The following COX10 variants were observed in gnomAD, a reference collection of about 807,000 sequenced individuals.
COX10 encodes the protein protoheme IX farnesyltransferase, mitochondrial.
A neutral mutation model predicts 37.3 loss-of-function variants in COX10; 27 were observed. That is an observed-to-expected ratio of 0.72 (90% CI 0.53 to 1.00). The LOEUF (loss-of-function observed/expected upper bound fraction) is 1.00. Ranked by LOEUF, COX10 falls within the 50% of genes least tolerant of loss-of-function variation. The pLI is 0.00. For missense variants in COX10, 475 were observed against 563.2 expected, an observed-to-expected ratio of 0.84 and a Z score of 1.59; for synonymous variants, 222 against 229.1, an observed-to-expected ratio of 0.97 and a Z score of 0.28.
In COX10 at chr17:14,145,975, A is replaced by G. The variant is rs981777337; in HGVS notation, c.625-13902A>G. 5.3e-5 allele frequency among the ~76,000 whole-genome samples: 8 copies of G among 152,170 alleles called. No homozygotes were observed. In the East Asian group the frequency reaches 1.5e-3, roughly 29 times the overall value. The stretch of plus-strand genomic sequence containing the variant: ...GTTAATGTTGGTTTTATATTACCTC[A>G]CTTTAGTAATACTTTATTAGTTTAC... On this transcript the variant is annotated intron_variant, in intron 4 of 6. Coordinates refer to ENST00000261643, the MANE Select transcript of COX10 (RefSeq NM_001303.4).
rs548335630 is a variant in COX10 at position 14,132,199 on chromosome 17, A to G, written c.625-27678A>G. Among the ~76,000 whole-genome samples, 492 of 152,102 alleles carry G rather than the reference A, an allele frequency of 3.2e-3. 5 individuals are homozygous for G. Among genetic ancestry groups the G allele is most frequent in the African/African-American group, 0.011 (466 of 41,564 alleles). On this transcript the variant is annotated intron_variant, in intron 4 of 6. Transcript: ENST00000261643. ...GATTAGAAATGGATGGTTTAAGTTT[A>G]CACCATTTTATTATATCAGGAATTT...
chr17:14,126,738 G>A (rs1183858392), intron 4 of COX10, among the ~76,000 whole-genome samples: 1 of 151,982 alleles, frequency 6.6e-6, no homozygotes, highest in African/African-American at 2.4e-5. Flanking sequence ...TAGCATGAGG[G>A]GGAGAATTTG....
At chr17:14,147,531 T>A (rs558467057) in intron 4 of COX10, among the ~76,000 whole-genome samples, 1 of 152,154 alleles carries the variant, frequency 6.6e-6, no homozygotes, top group East Asian at 1.9e-4. Flanking sequence ...GGATGGTTAA[T>A]GGTACAAAAA....
At position 14,207,172 on chromosome 17, in the gene COX10, C is replaced by T. The variant is rs113058506; in HGVS notation, c.1291C>T (p.Arg431Trp). ...LLLLLMLTCK[R>W]PSGGGDAGPP... is the part of the protein sequence containing the mutation. ...GCTGCTGCTCATGCTCACCTGCAAG[C>T]GGCCGAGCGGAGGCGGGGACGCAGG... The change falls in exon 7 of 7, where the codon CGG (arginine) becomes TGG (tryptophan). Residue 431 changes from arginine to tryptophan, a missense_variant. Arg to Trp is a moderately radical substitution (Grantham distance 101, BLOSUM62 -3). Around this residue, in one of 5 missense-constraint regions of COX10, gnomAD observed 160 missense variants for 180.6 expected, o/e 0.89. Coordinates refer to ENST00000261643, the MANE Select transcript of COX10 (RefSeq NM_001303.4). The T allele has an allele frequency of 3.6e-3, 5,817 of 1,608,756 alleles. 15 individuals are homozygous for T. Among genetic ancestry groups the T allele is most frequent in the Non-Finnish European group, 4.5e-3 (5,284 of 1,178,414 alleles).
intron 4 of COX10, among the ~76,000 whole-genome samples, chr17:14,142,125 C>T (rs1904564470): frequency 6.6e-6 from 1 of 152,106 alleles, no homozygotes; most frequent in Admixed American, 6.6e-5. Flanking sequence ...AAAACCTGCC[C>T]TCCCACTAGC....
chr17:14,076,111 C>CTTTTTTTTTTTTTTTTTTT (rs376434284), intron 2 of COX10, among the ~76,000 whole-genome samples: 1 of 103,254 alleles, frequency 9.7e-6, no homozygotes, highest in Non-Finnish European at 1.8e-5. Flanking sequence ...TCTTTTTTGT[C>CTTTTTTTTTTTTTTTTTTT]TTTTTTTTTT....
chr17:14,076,948 A>G lies in COX10; in HGVS notation c.391A>G (p.Ile131Val), dbSNP rs1256635213. 19 of 1,614,122 alleles carry G rather than the reference A, an allele frequency of 1.2e-5. No individual in the cohort carries two copies. Among genetic ancestry groups the G allele is most frequent in the Admixed American group, 1.0e-4 (6 of 60,016 alleles). ...GCCAGACTCAGTAATTGAAGACTCA[A>G]TAGATGTAGGGAAAGAGACAAAAGA... ...LEPDSVIEDS[I>V]DVGKETKEEK... Residue 131 changes from isoleucine to valine, a missense_variant, in exon 3 of 7, where the codon ATA becomes GTA. This residue lies in a region of COX10 where 242 missense variants were observed against 242.5 expected (regional missense o/e 1.00). Transcript: ENST00000261643.
chr17:14,183,478 CAG>C (rs1374173867), intron 5 of COX10, among the ~76,000 whole-genome samples: 1 of 152,192 alleles, frequency 6.6e-6, no homozygotes, highest in Non-Finnish European at 1.5e-5. Flanking sequence ...GAATCACTCA[CAG>C]AGATATTAAT....
chr17:14,127,345 G>T (rs1358162496), intron 4 of COX10, among the ~76,000 whole-genome samples: 1 of 152,122 alleles, frequency 6.6e-6, no homozygotes, highest in African/African-American at 2.4e-5. Flanking sequence ...TAGAGTTCGA[G>T]ACAGCTCAAC....
intron 6 of COX10, among the ~76,000 whole-genome samples, chr17:14,196,725 C>T (rs1035523585): frequency 6.6e-6 from 1 of 152,170 alleles, no homozygotes; most frequent in Non-Finnish European, 1.5e-5. Flanking sequence ...CTCTCACCTA[C>T]TACTTCCCCT....
intron 5 of COX10, among the ~76,000 whole-genome samples, chr17:14,170,480 C>G (rs1567606976): frequency 6.6e-6 from 1 of 152,260 alleles, no homozygotes; most frequent in East Asian, 1.9e-4. Context: ...TTTAATTAAT[C>G]TTTCCACATT....
intron 5 of COX10, among the ~76,000 whole-genome samples, chr17:14,184,204 A>G (rs1905956176): frequency 6.6e-6 from 1 of 152,170 alleles, no homozygotes; most frequent in African/African-American, 2.4e-5. Flanking sequence ...GTTTGACTTG[A>G]AAGTTTCAGT....
intron 6 of COX10, among the ~76,000 whole-genome samples, chr17:14,193,707 A>C (rs200933717): frequency 6.8e-6 from 1 of 146,560 alleles, no homozygotes; most frequent in African/African-American, 2.5e-5. Context: ...GCACACCTGC[A>C]CACCACCAGC....
At chr17:14,127,419 A>G (rs903477221) in intron 4 of COX10, among the ~76,000 whole-genome samples, 2 of 152,168 alleles carry the variant, frequency 1.3e-5, no homozygotes, top group Non-Finnish European at 2.9e-5. Flanking sequence ...ATATATTTAC[A>G]TACTGAGTGC....
Position 14,140,578 on chromosome 17 carries a change from T to C in COX10, c.625-19299T>C, listed in dbSNP as rs139363857. 4.1e-3 allele frequency among the ~76,000 whole-genome samples: 617 copies of C among 152,244 alleles called. 18 individuals are homozygous for C. The highest frequency in any genetic ancestry group is 0.032 in the Admixed American group (491 of 15,288). On this transcript the variant is annotated intron_variant, in intron 4 of 6. Coordinates refer to ENST00000261643, the MANE Select transcript of COX10 (RefSeq NM_001303.4). ...TCATTAAATTTAGAGTTTCTTATTGTCTTTCATGAGAACATTTTTCCTTTT... is the reference window on the plus strand; with the variant it reads ...TCATTAAATTTAGAGTTTCTTATTGCCTTTCATGAGAACATTTTTCCTTTT...
In COX10 at chr17:14,196,904, C is replaced by T. The variant is rs537985530; in HGVS notation, c.928+4683C>T. The stretch of plus-strand genomic sequence containing the variant: ...TTGTTAACACCAGTGACCCTCCAAG[C>T]GGGGAAATGGATGAAGGATACATGT... On this transcript the variant is annotated intron_variant, in intron 6 of 6. Transcript: ENST00000261643. 4.6e-5 allele frequency among the ~76,000 whole-genome samples: 7 copies of T among 152,252 alleles called. No individual in the cohort carries two copies. In the East Asian group the frequency reaches 1.2e-3, roughly 25 times the overall value.
chr17:14,196,382 G>A (rs974940507), intron 6 of COX10, among the ~76,000 whole-genome samples: 1 of 152,194 alleles, frequency 6.6e-6, no homozygotes, highest in South Asian at 2.1e-4. Flanking sequence ...GGTCCCAGAT[G>A]ACTTTGGAGA....
chr17:14,158,547 G>C (rs1382997234), intron 4 of COX10, among the ~76,000 whole-genome samples: 1 of 151,662 alleles, frequency 6.6e-6, no homozygotes, highest in Non-Finnish European at 1.5e-5. Context: ...ACTCTACAAA[G>C]AGCTATGATT....
At position 14,206,863 on chromosome 17, in the gene COX10, G is replaced by A. The variant is rs777911169; in HGVS notation, c.982G>A (p.Ala328Thr). The change falls in exon 7 of 7, where the codon GCC (alanine) becomes ACC (threonine). Residue 328 changes from alanine to threonine, a missense_variant. By Grantham distance (58) the Ala-to-Thr change is moderately conservative (BLOSUM62 0). Coordinates refer to ENST00000261643, the MANE Select transcript of COX10 (RefSeq NM_001303.4). ...CTCCTGGCAGTTTCCTCATTTCAAC[G>A]CCCTGAGCTGGGGCCTCCGTGAAGA... ...LYSWQFPHFNALSWGLREDYS... is the reference protein window; with the variant it reads ...LYSWQFPHFNTLSWGLREDYS... 34 of 1,613,984 alleles carry A rather than the reference G, an allele frequency of 2.1e-5. No individual in the cohort carries two copies. The highest frequency in any genetic ancestry group is 2.8e-5 in the Non-Finnish European group (33 of 1,180,024).
Sources: allele counts gnomAD v4.1 joint callset (sites outside exome capture counted in the v4.1 genomes callset), GRCh38; gene constraint gnomAD v4.1.1; regional missense constraint gnomAD v4.1.1; transcripts MANE v1.5; gene names NCBI Gene and HGNC (gene_info 2026-07-23, HGNC 2026-07-21).